CKAP2: variants seen among roughly 807,000 people sequenced by gnomAD.
The protein encoded by CKAP2 is cytoskeleton-associated protein 2.
In CKAP2, 46 loss-of-function variants were observed where a neutral mutation model predicts 58.4. That is an observed-to-expected ratio of 0.79 (90% CI 0.62 to 1.01). The LOEUF (loss-of-function observed/expected upper bound fraction) is 1.01. CKAP2 is among the 50% of genes least tolerant of loss of function. The pLI is 0.00. For synonymous variants in CKAP2, 293 were observed against 280.9 expected, an observed-to-expected ratio of 1.04 and a Z score of -0.43; for missense variants, 809 against 796.4, an observed-to-expected ratio of 1.02 and a Z score of -0.19.
intron 1 of CKAP2, chr13:52,455,975 G>C (rs1010483228): frequency 2.8e-5 from 31 of 1,095,940 alleles, no homozygotes; most frequent in Non-Finnish European, 3.2e-5. Context: ...GACCGACTGC[G>C]CCTGCGCTGG....
In CKAP2 at chr13:52,475,170, G is replaced by T; in HGVS notation, c.*29G>T. On this transcript the variant is annotated 3_prime_UTR_variant, in exon 9 of 9. Coordinates refer to ENST00000258607, the MANE Select transcript of CKAP2 (RefSeq NM_018204.5). ...AAATAAAGCTCTGTTAGGGAATGGG[G>T]TTTTTATTATTTGTGGGGTGTTTTG... 7 of 1,600,004 alleles carry T rather than the reference G, an allele frequency of 4.4e-6. No homozygotes were observed. The highest frequency in any genetic ancestry group is 6.0e-6 in the Non-Finnish European group (7 of 1,172,670).
At position 52,465,349 on chromosome 13, in the gene CKAP2, C is replaced by T. The variant is rs761922332; in HGVS notation, c.1360C>T (p.Pro454Ser). Residue 454 changes from proline to serine, a missense_variant, in exon 6 of 9, where the codon CCA becomes TCA. By Grantham distance (74) the Pro-to-Ser change is moderately conservative (BLOSUM62 -1). Transcript: ENST00000258607. Reference protein sequence around the residue: ...VTLNDLIKNIPDAKKLVKYWI... With the variant: ...VTLNDLIKNISDAKKLVKYWI... The stretch of plus-strand genomic sequence containing the variant: ...ACTGAATGACCTGATTAAAAATATT[C>T]CAGATGCCAAAAAGCTTGTTAAGTA... The T allele has an allele frequency of 6.8e-6, 11 of 1,613,342 alleles. No homozygotes were observed. Among genetic ancestry groups the T allele is most frequent in the Non-Finnish European group, 9.3e-6 (11 of 1,179,588 alleles).
In CKAP2 at chr13:52,461,045, ATAAT is replaced by A; in HGVS notation, c.232-11_232-8del. On this transcript the variant is annotated splice_polypyrimidine_tract_variant and intron_variant, in intron 3 of 8. Coordinates refer to ENST00000258607, the MANE Select transcript of CKAP2 (RefSeq NM_018204.5). ...TGCCTTTCCTAAACACTTTTCTTAAATAATTCTTTCAGGCTGATAAAGAAAACAT... is the reference window on the plus strand; with the variant it reads ...TGCCTTTCCTAAACACTTTTCTTAAATCTTTCAGGCTGATAAAGAAAACAT... The A allele has an allele frequency of 6.2e-7, 1 of 1,601,182 alleles. No homozygotes were observed. The highest frequency in any genetic ancestry group is 8.5e-7 in the Non-Finnish European group (1 of 1,175,860).
chr13:52,462,242 T>A (rs1435665336), intron 4 of CKAP2, 121 bp from the exon 5 acceptor site: 3 of 809,708 alleles, frequency 3.7e-6, no homozygotes, highest in Admixed American at 3.2e-5. Flanking sequence ...TCTTCAAGCT[T>A]GTGAACTATA....
Position 52,462,531 on chromosome 13 carries a change from C to A in CKAP2, c.1269C>A (p.Asn423Lys). Reference sequence around the variant, plus strand: ...AAAGATTATTTACTGAAAAAGTAAACAACACATTTTCTGAATGCCTGAACT... The same window carrying A: ...AAAGATTATTTACTGAAAAAGTAAAAAACACATTTTCTGAATGCCTGAACT... ...DEQRLFTEKV[N>K]NTFSECLNLI... The change falls in exon 5 of 9, where the codon AAC (asparagine) becomes AAA (lysine). Residue 423 changes from asparagine to lysine, a missense_variant. Asn to Lys is a moderately conservative substitution (Grantham distance 94). Around this residue, in one of 3 missense-constraint regions of CKAP2, gnomAD observed 523 missense variants for 492.4 expected, o/e 1.06. Coordinates refer to ENST00000258607, the MANE Select transcript of CKAP2 (RefSeq NM_018204.5). The A allele has an allele frequency of 6.2e-7, 1 of 1,613,858 alleles. No homozygotes were observed. Among genetic ancestry groups the A allele is most frequent in the Non-Finnish European group, 8.5e-7 (1 of 1,179,914 alleles).
At chr13:52,465,528 A>C in intron 6 of CKAP2, 63 bp downstream of exon 6, 2 of 1,415,138 alleles carry the variant, frequency 1.4e-6, no homozygotes, top group Non-Finnish European at 2.0e-6. Flanking sequence ...AATTAATTTG[A>C]AACACATCAC....
Position 52,462,479 on chromosome 13 carries a change from G to T in CKAP2, c.1217G>T (p.Trp406Leu). The T allele has an allele frequency of 6.2e-7, 1 of 1,613,984 alleles. No homozygotes were observed. Among genetic ancestry groups the T allele is most frequent in the South Asian group, 1.1e-5 (1 of 91,054 alleles). Residue 406 changes from tryptophan (W) to leucine (L), a missense_variant, in exon 5 of 9, where the codon TGG becomes TTG. This residue lies in a region of CKAP2 where 523 missense variants were observed against 492.4 expected (regional missense o/e 1.06). Transcript: ENST00000258607. ...AATGAAAAACCAGTTGGGTCTTTTT[G>T]GACTACCATGGCAGAAGAAGATGAA... Reference protein sequence around the residue: ...GQNEKPVGSFWTTMAEEDEQR... With the variant: ...GQNEKPVGSFLTTMAEEDEQR...
At position 52,475,121 on chromosome 13, in the gene CKAP2, T is replaced by G. The variant is rs749310445; in HGVS notation, c.2029T>G (p.Tyr677Asp). The G allele has an allele frequency of 6.2e-7, 1 of 1,614,118 alleles. No individual in the cohort carries two copies. Among genetic ancestry groups the G allele is most frequent in the Non-Finnish European group, 8.5e-7 (1 of 1,179,990 alleles). The change falls in exon 9 of 9, where the codon TAT (tyrosine) becomes GAT (aspartate). Residue 677 changes from tyrosine to aspartate, a missense_variant. Physicochemically the swap from Tyr to Asp is radical, Grantham distance 160 (BLOSUM62 -3). This residue lies in a region of CKAP2 where 283 missense variants were observed against 287.6 expected (regional missense o/e 0.98). Transcript: ENST00000258607. Reference sequence around the variant, plus strand: ...TAATGCAGCACTGTGCCGGGTGTACTATGAGGCTGATACAACATAAGAGAA... The same window carrying G: ...TAATGCAGCACTGTGCCGGGTGTACGATGAGGCTGATACAACATAAGAGAA... ...RPNAALCRVY[Y>D]EADTT
chr13:52,455,609 C>T lies in CKAP2; in HGVS notation c.53C>T (p.Ala18Val), dbSNP rs1958463423. 3 of 1,610,858 alleles carry T rather than the reference C, an allele frequency of 1.9e-6. No individual in the cohort carries two copies. Among genetic ancestry groups the T allele is most frequent in the Non-Finnish European group, 2.5e-6 (3 of 1,178,982 alleles). Residue 18 changes from alanine to valine, a missense_variant, in exon 1 of 9, where the codon GCG (alanine) becomes GTG (valine). Ala to Val is a moderately conservative substitution (Grantham distance 64, BLOSUM62 0). This residue lies in a region of CKAP2 where 523 missense variants were observed against 492.4 expected (regional missense o/e 1.06). Transcript: ENST00000258607. The stretch of plus-strand genomic sequence containing the variant: ...CTGCAGCTGCCCCCGAGTCAGAGGG[C>T]GCAGTCCGCATTCAAAGGTGAAGGC... ...QDLQLPPSQR[A>V]QSAFKEQRRQ...
Position 52,462,339 on chromosome 13 carries a change from G to A in CKAP2, c.1101-24G>A, listed in dbSNP as rs765813805. The A allele has an allele frequency of 1.3e-5, 21 of 1,594,974 alleles. No individual in the cohort carries two copies. In the Middle Eastern group the frequency reaches 5.0e-4, roughly 38 times the overall value. Reference sequence around the variant, plus strand: ...GTTCTGTCAGCAATTTCAAAGTAACGTTTATATCTGCTTCTAACTATAGAG... The same window carrying A: ...GTTCTGTCAGCAATTTCAAAGTAACATTTATATCTGCTTCTAACTATAGAG... On this transcript the variant is annotated intron_variant, in intron 4 of 8. Transcript: ENST00000258607.
At chr13:52,467,400 A>G (rs1958695982) in intron 6 of CKAP2, among the ~76,000 whole-genome samples, 1 of 152,182 alleles carries the variant, frequency 6.6e-6, no homozygotes, top group Non-Finnish European at 1.5e-5. Context: ...GACTTAAGTA[A>G]AATTATGGAG....
Position 52,475,193 on chromosome 13 carries a change from T to C in CKAP2, c.*52T>C, listed in dbSNP as rs754435580. The C allele has an allele frequency of 6.3e-7, 1 of 1,588,908 alleles. No individual in the cohort carries two copies. Among genetic ancestry groups the C allele is most frequent in the East Asian group, 2.2e-5 (1 of 44,570 alleles). ...GGGTTTTTATTATTTGTGGGGTGTTTTGTTTTGAGTAGCTTTATATTGCTC... is the reference window on the plus strand; with the variant it reads ...GGGTTTTTATTATTTGTGGGGTGTTCTGTTTTGAGTAGCTTTATATTGCTC... On this transcript the variant is annotated 3_prime_UTR_variant, in exon 9 of 9. Coordinates refer to ENST00000258607, the MANE Select transcript of CKAP2 (RefSeq NM_018204.5).
chr13:52,466,011 A>G (rs576333943), intron 6 of CKAP2, among the ~76,000 whole-genome samples: 95 of 151,706 alleles, frequency 6.3e-4, no homozygotes, highest in Non-Finnish European at 1.0e-3. Context: ...ATATACACAC[A>G]TACACATATA....
At chr13:52,456,377 T>A in intron 1 of CKAP2, 146 bp from the exon 2 acceptor site, 1 of 741,934 alleles carries the variant, frequency 1.3e-6, no homozygotes, top group Non-Finnish European at 2.1e-6. Flanking sequence ...AAGGCAATAT[T>A]GAATTGGAGA....
intron 5 of CKAP2, among the ~76,000 whole-genome samples, chr13:52,463,577 A>G (rs1186666526): frequency 6.6e-6 from 1 of 152,216 alleles, no homozygotes; most frequent in Non-Finnish European, 1.5e-5. Context: ...GACAATAGCA[A>G]CAACAAACAG....
At chr13:52,458,722 G>T (rs1258944774) in intron 2 of CKAP2, among the ~76,000 whole-genome samples, 1 of 152,010 alleles carries the variant, frequency 6.6e-6, no homozygotes, top group East Asian at 1.9e-4. Flanking sequence ...AATTAGCCGG[G>T]TGTGGTGTCA....
At position 52,461,376 on chromosome 13, in the gene CKAP2, C is replaced by T. The variant is rs1007831465; in HGVS notation, c.550C>T (p.Gln184Ter). 3.1e-6 allele frequency: 5 copies of T among 1,614,196 alleles called. No individual in the cohort carries two copies. Among genetic ancestry groups the T allele is most frequent in the Admixed American group, 1.7e-5 (1 of 60,024 alleles). The change falls in exon 4 of 9, where the codon CAG becomes TAG. Residue 184 changes from glutamine to a stop codon, truncating the protein, a stop_gained. Transcript: ENST00000258607. LOFTEE classifies it high-confidence loss of function. ...TGGATCTTATCGTGGCCAGATTGTT[C>T]AGTCTAAGATTAATTCATTTAGAAA... is the stretch of plus-strand genomic sequence containing the variant. ...VLGSYRGQIV[Q>*]SKINSFRKPL...
chr13:52,461,408 A>T lies in CKAP2; in HGVS notation c.582A>T (p.Leu194=). 6.2e-7 allele frequency: 1 copy of T among 1,614,238 alleles called. No individual in the cohort carries two copies. Among genetic ancestry groups the T allele is most frequent in the Non-Finnish European group, 8.5e-7 (1 of 1,180,036 alleles). ...AGATTAATTCATTTAGAAAACCTCT[A>T]CAAGTCAAAGATGAGAGTTCTGCAG... The part of the protein sequence containing the change: ...QSKINSFRKP[L]QVKDESSAAT... Residue 194 remains leucine, a synonymous_variant, in exon 4 of 9, where the codon CTA becomes CTT. Coordinates refer to ENST00000258607, the MANE Select transcript of CKAP2 (RefSeq NM_018204.5).
At chr13:52,460,858 A>C in intron 2 of CKAP2, 41 bp from the exon 3 acceptor site, 3 of 1,562,022 alleles carry the variant, frequency 1.9e-6, no homozygotes, top group Non-Finnish European at 2.6e-6. Flanking sequence ...CCTCCTTGGT[A>C]CAGGATTGAT....
Sources: gnomAD v4.1 joint callset for allele counts (sites outside exome capture counted in the v4.1 genomes callset) on GRCh38, gnomAD v4.1.1 for gene constraint, gnomAD v4.1.1 regional missense constraint, MANE v1.5 for transcripts, NCBI Gene and HGNC (gene_info 2026-07-23, HGNC 2026-07-21) for gene names.